DENND10: variants seen among roughly 807,000 people sequenced by gnomAD.
The protein encoded by DENND10 is DENN domain-containing protein 10.
A neutral mutation model predicts 43.6 loss-of-function variants in DENND10; 24 were observed. The ratio of observed to expected loss-of-function variants is 0.55; its 90% CI spans 0.40 to 0.77. The LOEUF is 0.77. DENND10 is among the 30% of genes least tolerant of loss of function. DENND10 has a pLI of 0.00. For synonymous variants in DENND10, 125 were observed against 157.6 expected (o/e 0.79, Z 1.55); for missense variants, 303 against 429.9 (o/e 0.70, Z 2.61).
intron 6 of DENND10, among the ~76,000 whole-genome samples, chr10:119,126,031 C>T (rs1205996089): frequency 6.6e-6 from 1 of 152,096 alleles, no homozygotes; most frequent in East Asian, 1.9e-4. Context: ...TTTTAGCTCC[C>T]CCAGATTAGT....
chr10:119,117,150 T>A (rs1845328459), intron 3 of DENND10, among the ~76,000 whole-genome samples: 1 of 151,904 alleles, frequency 6.6e-6, no homozygotes, highest in African/African-American at 2.4e-5. Flanking sequence ...GGTGGGCGGA[T>A]TACCTGAGGT....
chr10:119,112,966 C>G (rs1845049034), intron 3 of DENND10, among the ~76,000 whole-genome samples: 1 of 151,902 alleles, frequency 6.6e-6, no homozygotes, highest in African/African-American at 2.4e-5. Flanking sequence ...TCTCTTGCCT[C>G]AGCCTCCCGA....
intron 2 of DENND10, among the ~76,000 whole-genome samples, chr10:119,108,839 A>G (rs1213379174): frequency 1.3e-5 from 2 of 151,256 alleles, no homozygotes; most frequent in African/African-American, 2.4e-5. Context: ...TATTTTTAGT[A>G]GAGACAGGTT....
At chr10:119,105,618 A>G in intron 1 of DENND10, 4 of 524,802 alleles carry the variant, frequency 7.6e-6, no homozygotes, top group Non-Finnish European at 1.0e-5. Context: ...TTATCTACTA[A>G]TAGCAAATAA....
intron 4 of DENND10, among the ~76,000 whole-genome samples, chr10:119,118,988 C>G (rs948919862): frequency 1.3e-5 from 2 of 150,840 alleles, no homozygotes; most frequent in African/African-American, 4.9e-5. Context: ...GGACTACAGG[C>G]ACCTGCCACC....
chr10:119,109,871 G>A (rs1010521395), intron 2 of DENND10, among the ~76,000 whole-genome samples: 2 of 151,490 alleles, frequency 1.3e-5, no homozygotes, highest in African/African-American at 4.9e-5. Context: ...GGAGTGCAAT[G>A]GTGCAATCAT....
In DENND10 at chr10:119,132,696, G is replaced by T. The variant is rs997172928; in HGVS notation, c.897+87G>T. On this transcript the variant is annotated intron_variant, in intron 8 of 8. Coordinates refer to ENST00000361432, the MANE Select transcript of DENND10 (RefSeq NM_207009.4). The surrounding 1 kb of genome is among the most constrained non-coding windows in gnomAD (Gnocchi z 4.2). ...GCAGAGCTGTGCACATAAGCAGAGTGGGGGGCTGTGGTAGAGGCCAGCGGG... is the reference window on the plus strand; with the variant it reads ...GCAGAGCTGTGCACATAAGCAGAGTTGGGGGCTGTGGTAGAGGCCAGCGGG... 7 of 1,084,352 alleles carry T rather than the reference G, an allele frequency of 6.5e-6. No homozygotes were observed. The highest frequency in any genetic ancestry group is 1.5e-5 in the African/African-American group (1 of 64,684). The allele number at this position is 1,084,352 out of a possible 1,614,324, so 67.2% of individuals were successfully genotyped here.
Position 119,132,710 on chromosome 10 carries a change from G to C in DENND10, c.897+101G>C. 1.1e-6 allele frequency: 1 copy of C among 931,788 alleles called. No homozygotes were observed. The highest frequency in any genetic ancestry group is 1.3e-5 in the South Asian group (1 of 75,380). The allele number at this position is 931,788 out of a possible 1,614,324, so 57.7% of individuals were successfully genotyped here. A position where few individuals can be genotyped will look rare whatever the true frequency, so the allele number is the denominator to read the frequency against. On this transcript the variant is annotated intron_variant, in intron 8 of 8. Transcript: ENST00000361432. This position sits in a 1 kb window ranked among gnomAD's most constrained non-coding sequence, Gnocchi z 4.2. ...ATAAGCAGAGTGGGGGGCTGTGGTAGAGGCCAGCGGGCAGGTGCTTAGAGA... is the reference window on the plus strand; with the variant it reads ...ATAAGCAGAGTGGGGGGCTGTGGTACAGGCCAGCGGGCAGGTGCTTAGAGA...
chr10:119,120,141 G>A (rs528652779), intron 4 of DENND10, among the ~76,000 whole-genome samples, 200 bp from the exon 5 acceptor site: 87 of 151,880 alleles, frequency 5.7e-4, no homozygotes, highest in African/African-American at 2.0e-3. Flanking sequence ...CCAGCTACTC[G>A]GGAAGCTGAA....
At chr10:119,108,694 G>A (rs1844823141) in intron 2 of DENND10, among the ~76,000 whole-genome samples, 1 of 149,972 alleles carries the variant, frequency 6.7e-6, no homozygotes, top group African/African-American at 2.4e-5. Flanking sequence ...TTTTTCTGTT[G>A]GTCAGGCTGG....
chr10:119,113,690 C>CAAAAA (rs11447508), intron 3 of DENND10, among the ~76,000 whole-genome samples: 2 of 141,344 alleles, frequency 1.4e-5, no homozygotes, highest in Non-Finnish European at 1.5e-5. Flanking sequence ...CCAAAAGAAG[C>CAAAAA]AAAAAAAAAA....
At chr10:119,117,487 A>T (rs771665208) in intron 3 of DENND10, 32 bp from the exon 4 acceptor site, 1 of 1,604,082 alleles carries the variant, frequency 6.2e-7, no homozygotes, top group East Asian at 2.2e-5. Flanking sequence ...TGCCAAATGA[A>T]ATCACAGTTG....
At chr10:119,118,533 C>G (rs1845404274) in intron 4 of DENND10, among the ~76,000 whole-genome samples, 1 of 152,184 alleles carries the variant, frequency 6.6e-6, no homozygotes, top group South Asian at 2.1e-4. Flanking sequence ...TCATGTCCTC[C>G]CATGGTGCCC....
At chr10:119,131,632 C>T (rs1159518285) in intron 7 of DENND10, among the ~76,000 whole-genome samples, 3 of 152,152 alleles carry the variant, frequency 2.0e-5, no homozygotes, top group Admixed American at 6.6e-5. Flanking sequence ...TGAATGCTGA[C>T]TCATTGGGAA....
At chr10:119,119,358 TCTCGAA>T (rs1845453350) in intron 4 of DENND10, among the ~76,000 whole-genome samples, 1 of 152,120 alleles carries the variant, frequency 6.6e-6, no homozygotes, top group Non-Finnish European at 1.5e-5. Flanking sequence ...GCCAGGCTGG[TCTCGAA>T]CTCCTGACCT....
At chr10:119,115,748 A>C (rs1168737215) in intron 3 of DENND10, among the ~76,000 whole-genome samples, 1 of 148,424 alleles carries the variant, frequency 6.7e-6, no homozygotes, top group East Asian at 2.1e-4. Context: ...TATGATAAAT[A>C]TAATTTTCAA....
At chr10:119,110,043 G>C (rs1844902487) in intron 2 of DENND10, among the ~76,000 whole-genome samples, 1 of 151,876 alleles carries the variant, frequency 6.6e-6, no homozygotes, top group Non-Finnish European at 1.5e-5. Flanking sequence ...GAACTCCTGA[G>C]TTCAAGCGAT....
intron 1 of DENND10, among the ~76,000 whole-genome samples, chr10:119,104,536 T>A (rs1844590671): frequency 6.7e-6 from 1 of 149,066 alleles, no homozygotes; most frequent in Non-Finnish European, 1.5e-5. Flanking sequence ...GCTGGGCAGC[T>A]GCGAGGGGCG....
chr10:119,117,085 A>G (rs1242757927), intron 3 of DENND10, among the ~76,000 whole-genome samples: 3 of 152,040 alleles, frequency 2.0e-5, no homozygotes, highest in Non-Finnish European at 4.4e-5. Context: ...AAGCGCAGTA[A>G]CTCAGCAGTA....
Sources: gnomAD v4.1 joint callset for allele counts (sites outside exome capture counted in the v4.1 genomes callset) on GRCh38, gnomAD v4.1.1 for gene constraint, Gnocchi (gnomAD v3.1) non-coding constraint, MANE v1.5 for transcripts, NCBI Gene and HGNC (gene_info 2026-07-23, HGNC 2026-07-21) for gene names.